Variants in RORA observed in about 807,000 individuals in gnomAD.
RORA encodes the protein RAR related orphan receptor A.
Under a neutral mutation model 69.5 loss-of-function variants are expected in RORA, and 7 were observed. That is an observed-to-expected ratio of 0.10 (90% confidence interval 0.06 to 0.19). The LOEUF is 0.19. RORA is among the 10% of genes least tolerant of loss of function. The pLI is 1.00. For synonymous variants in RORA, 261 were observed against 240.8 expected, an observed-to-expected ratio of 1.08 and a Z score of -0.78; for missense variants, 457 against 663.0, an observed-to-expected ratio of 0.69 and a Z score of 3.41.
intron 1 of RORA, among the ~76,000 whole-genome samples, chr15:61,088,019 G>A (rs181134825): frequency 1.3e-5 from 2 of 152,348 alleles, no homozygotes; most frequent in East Asian, 3.9e-4. Flanking sequence ...TACACAGTTT[G>A]AAACCCCACT....
At chr15:61,043,144 A>C (rs1433000618) in intron 1 of RORA, among the ~76,000 whole-genome samples, 3 of 152,230 alleles carry the variant, frequency 2.0e-5, no homozygotes, top group Non-Finnish European at 4.4e-5. Context: ...TGGTGGGTGC[A>C]ATTATCATTC....
At chr15:60,778,360 C>A (rs942382344) in intron 1 of RORA, among the ~76,000 whole-genome samples, 1 of 151,880 alleles carries the variant, frequency 6.6e-6, no homozygotes, top group Non-Finnish European at 1.5e-5. Context: ...GAAAGGGCAC[C>A]CCCCACTGAG....
chr15:60,638,887 A>G (rs902729410), intron 2 of RORA, among the ~76,000 whole-genome samples: 1 of 152,090 alleles, frequency 6.6e-6, no homozygotes, highest in African/African-American at 2.4e-5. Context: ...TTCCCATTTT[A>G]CTTTAATGGT....
chr15:61,114,385 CCCT>C (rs2079032632), intron 1 of RORA, among the ~76,000 whole-genome samples: 1 of 152,038 alleles, frequency 6.6e-6, no homozygotes, highest in Non-Finnish European at 1.5e-5. Context: ...GTAATTTATC[CCCT>C]ATTCCATGAA....
At chr15:60,971,451 C>A (rs763971021) in intron 1 of RORA, among the ~76,000 whole-genome samples, 1 of 152,138 alleles carries the variant, frequency 6.6e-6, no homozygotes, top group Non-Finnish European at 1.5e-5. Flanking sequence ...GCTGGGCACA[C>A]GGAGGATGCG....
At chr15:60,560,561 A>G (rs1276364461) in intron 2 of RORA, among the ~76,000 whole-genome samples, 8 of 152,126 alleles carry the variant, frequency 5.3e-5, no homozygotes, top group Admixed American at 3.9e-4. Context: ...TGGTGGTGCC[A>G]GTCTGTGCCT....
At chr15:60,504,500 T>C (rs1033865393) in intron 6 of RORA, among the ~76,000 whole-genome samples, 12 of 152,148 alleles carry the variant, frequency 7.9e-5, no homozygotes, top group African/African-American at 2.9e-4. Context: ...TGAGCCGAGA[T>C]TGCGCCAGTG....
intron 1 of RORA, among the ~76,000 whole-genome samples, chr15:60,949,728 C>G (rs1007058780): frequency 6.6e-6 from 1 of 152,238 alleles, no homozygotes; most frequent in African/African-American, 2.4e-5. Context: ...TCCCACATAT[C>G]TTTAGCATTA....
At chr15:60,612,661 GT>G (rs71122864) in intron 2 of RORA, among the ~76,000 whole-genome samples, 13,210 of 106,038 alleles carry the variant, frequency 0.12, 385 homozygotes, top group Middle Eastern at 0.15. Context: ...CTCTCTCTCT[GT>G]TTTTTTTTTT....
intron 1 of RORA, among the ~76,000 whole-genome samples, chr15:60,962,286 C>T (rs935074288): frequency 5.9e-5 from 9 of 152,170 alleles, no homozygotes; most frequent in Non-Finnish European, 1.3e-4. Flanking sequence ...CAGCTTTTTT[C>T]CTGATGCAGC....
intron 1 of RORA, among the ~76,000 whole-genome samples, chr15:61,187,712 G>A (rs1395895230): frequency 6.6e-6 from 1 of 152,170 alleles, no homozygotes; most frequent in Non-Finnish European, 1.5e-5. Flanking sequence ...CAAAGCATAT[G>A]TTTATCACCA....
chr15:60,502,449 C>T (rs1359488753), intron 8 of RORA, among the ~76,000 whole-genome samples: 1 of 152,068 alleles, frequency 6.6e-6, no homozygotes. Context: ...TAAAGGTCAT[C>T]CGAATAATAT....
intron 10 of RORA, 48 bp downstream of exon 10, chr15:60,499,844 G>T: frequency 1.9e-6 from 2 of 1,026,686 alleles, no homozygotes; most frequent in Non-Finnish European, 1.5e-6. Context: ...CATGATTTGT[G>T]CCAGGGGATA....
chr15:61,204,090 G>A (rs1309765889), intron 1 of RORA, among the ~76,000 whole-genome samples: 3 of 152,226 alleles, frequency 2.0e-5, no homozygotes, highest in African/African-American at 7.2e-5. Context: ...ATTCAGGTGA[G>A]TTGTGAGCGC....
chr15:60,742,228 G>A (rs372695617), intron 1 of RORA, among the ~76,000 whole-genome samples: 1 of 152,262 alleles, frequency 6.6e-6, no homozygotes, highest in East Asian at 1.9e-4. Flanking sequence ...TTTAAAAAGT[G>A]AAAATAACTT....
chr15:60,899,323 A>G lies in RORA; in HGVS notation c.167-220637T>C, dbSNP rs572075246. Among the ~76,000 whole-genome samples, 11 of 152,360 alleles carry G rather than the reference A, an allele frequency of 7.2e-5. No homozygotes were observed. The South Asian group carries it at 1.2e-3, about 17-fold the overall frequency. ...GGGCATGTCAAAAGCACATCATGCA[A>G]TAAGCCAATGTTTAGTATATGGTCC... On this transcript the variant is annotated intron_variant, in intron 1 of 10. Transcript: ENST00000335670.
At chr15:60,975,146 G>A (rs1348829366) in intron 1 of RORA, among the ~76,000 whole-genome samples, 1 of 152,194 alleles carries the variant, frequency 6.6e-6, no homozygotes, top group African/African-American at 2.4e-5. Flanking sequence ...AGTCAAGGGC[G>A]GAAGGGGCCT....
intron 1 of RORA, among the ~76,000 whole-genome samples, chr15:60,743,565 A>G (rs916347106): frequency 4.6e-5 from 7 of 152,346 alleles, no homozygotes; most frequent in Middle Eastern, 3.4e-3. Context: ...TCACTCTGCT[A>G]TAGACACTGA....
intron 1 of RORA, among the ~76,000 whole-genome samples, chr15:61,045,091 T>C (rs989084769): frequency 6.6e-6 from 1 of 152,224 alleles, no homozygotes; most frequent in Admixed American, 6.5e-5. Flanking sequence ...GGTTTGGCTG[T>C]GTCTCCACCC....
Sources: allele counts gnomAD v4.1 joint callset (sites outside exome capture counted in the v4.1 genomes callset), GRCh38; gene constraint gnomAD v4.1.1; transcripts MANE v1.5; gene names NCBI Gene and HGNC (gene_info 2026-07-23, HGNC 2026-07-21).